CTNND2: variants seen among roughly 807,000 people sequenced by gnomAD.
CTNND2 encodes catenin delta-2.
In CTNND2, 22 loss-of-function variants were observed where a neutral mutation model predicts 144.4. The ratio of observed to expected loss-of-function variants is 0.15; its 90% CI spans 0.11 to 0.22. The LOEUF (loss-of-function observed/expected upper bound fraction) is 0.22, where lower values mean the gene tolerates loss of function less well. Among genes scored for constraint, CTNND2 ranks in the 10% least tolerant of loss-of-function variants. The pLI is 1.00. For missense variants in CTNND2, 1,353 were observed against 1,618.8 expected (o/e 0.84, Z 2.82); for synonymous variants, 751 against 695.6 (o/e 1.08, Z -1.25).
At chr5:11,432,121 C>CTTTTTTT (rs5865940) in intron 3 of CTNND2, among the ~76,000 whole-genome samples, 2 of 78,376 alleles carry the variant, frequency 2.6e-5, no homozygotes, top group Admixed American at 1.4e-4. Flanking sequence ...GAGGTTGAGG[C>CTTTTTTT]TTTTTTTTTT....
intron 12 of CTNND2, among the ~76,000 whole-genome samples, chr5:11,117,843 G>A (rs1456752800): frequency 1.3e-5 from 2 of 152,184 alleles, no homozygotes; most frequent in African/African-American, 4.8e-5. Context: ...GAGGGTGGGG[G>A]ACCTTCAGAA....
intron 1 of CTNND2, among the ~76,000 whole-genome samples, chr5:11,841,429 T>C (rs567095437): frequency 6.6e-6 from 1 of 152,324 alleles, no homozygotes; most frequent in African/African-American, 2.4e-5. Context: ...GTTTAGGTCA[T>C]AAGTTGATTA....
In CTNND2 at chr5:11,502,820, A is replaced by C. The variant is rs1158963099; in HGVS notation, c.287+62124T>G. 3.9e-5 allele frequency among the ~76,000 whole-genome samples: 6 copies of C among 152,222 alleles called. No homozygotes were observed. In the East Asian group the frequency reaches 1.2e-3, roughly 29 times the overall value. On this transcript the variant is annotated intron_variant, in intron 3 of 21. Coordinates refer to ENST00000304623, the MANE Select transcript of CTNND2 (RefSeq NM_001332.4). ...CTGTCAACACCAAAAGAATTTATTAAAGAAAACACTATGAAAGAAGGGACC... is the reference window on the plus strand; with the variant it reads ...CTGTCAACACCAAAAGAATTTATTACAGAAAACACTATGAAAGAAGGGACC...
At chr5:11,113,914 A>G (rs1157051392) in intron 13 of CTNND2, among the ~76,000 whole-genome samples, 1 of 152,208 alleles carries the variant, frequency 6.6e-6, no homozygotes, top group Non-Finnish European at 1.5e-5. Flanking sequence ...ACTTACGAGG[A>G]AAACCAGTTT....
chr5:11,856,118 G>A (rs774593167), intron 1 of CTNND2, among the ~76,000 whole-genome samples: 2 of 152,182 alleles, frequency 1.3e-5, no homozygotes, highest in Non-Finnish European at 2.9e-5. Flanking sequence ...TAAACTGGGA[G>A]AGACAAAAAG....
intron 2 of CTNND2, among the ~76,000 whole-genome samples, chr5:11,654,635 G>A (rs1335543796): frequency 6.7e-6 from 1 of 149,576 alleles, no homozygotes; most frequent in Non-Finnish European, 1.5e-5. Context: ...TCTTTTGGTG[G>A]CATTTTTTGG....
chr5:11,535,071 C>G (rs565773800), intron 3 of CTNND2, among the ~76,000 whole-genome samples: 1 of 151,844 alleles, frequency 6.6e-6, no homozygotes, highest in African/African-American at 2.4e-5. Context: ...GCCTGTAATC[C>G]CACCTACTTG....
chr5:10,983,090 CA>C (rs759554723), intron 20 of CTNND2, among the ~76,000 whole-genome samples: 2,106 of 152,222 alleles, frequency 0.014, 19 homozygotes, highest in Non-Finnish European at 0.022. Context: ...TGTTTCATAG[CA>C]CCATAGGGCA....
intron 1 of CTNND2, among the ~76,000 whole-genome samples, chr5:11,863,489 A>ATTT (rs754787854): frequency 4.8e-4 from 73 of 152,344 alleles, no homozygotes; most frequent in Non-Finnish European, 9.0e-4. Flanking sequence ...AAAATTATTA[A>ATTT]TAACTTCCGG....
chr5:11,750,190 A>G (rs1788534881), intron 1 of CTNND2, among the ~76,000 whole-genome samples: 1 of 151,972 alleles, frequency 6.6e-6, no homozygotes, highest in African/African-American at 2.4e-5. Context: ...CATCTAGGAC[A>G]GCATTCACCT....
chr5:11,860,579 T>A (rs770739405), intron 1 of CTNND2, among the ~76,000 whole-genome samples: 3 of 152,242 alleles, frequency 2.0e-5, no homozygotes, highest in Non-Finnish European at 2.9e-5. Context: ...AATATACACA[T>A]GCCTTTACTG....
At chr5:11,171,942 C>T (rs1759966722) in intron 11 of CTNND2, among the ~76,000 whole-genome samples, 2 of 151,986 alleles carry the variant, frequency 1.3e-5, no homozygotes, top group South Asian at 4.2e-4. Flanking sequence ...TAGATGCCAC[C>T]TAAAATATTA....
At chr5:11,738,722 C>G (rs1347246474) in intron 1 of CTNND2, among the ~76,000 whole-genome samples, 1 of 152,180 alleles carries the variant, frequency 6.6e-6, no homozygotes, top group Admixed American at 6.5e-5. Flanking sequence ...ACACAACCAT[C>G]CAATTAAGTG....
intron 3 of CTNND2, among the ~76,000 whole-genome samples, chr5:11,484,297 G>A (rs775979591): frequency 6.6e-6 from 1 of 152,066 alleles, no homozygotes; most frequent in African/African-American, 2.4e-5. Context: ...ATCATGTTAC[G>A]CATAGTTGAA....
intron 12 of CTNND2, among the ~76,000 whole-genome samples, chr5:11,150,916 G>A (rs111719572): frequency 0.014 from 2,100 of 152,250 alleles, 42 homozygotes; most frequent in African/African-American, 0.047. Context: ...GTGAGCCACC[G>A]CGTCCAGCCT....
At chr5:11,830,572 C>A (rs1423464952) in intron 1 of CTNND2, among the ~76,000 whole-genome samples, 1 of 152,198 alleles carries the variant, frequency 6.6e-6, no homozygotes, top group African/African-American at 2.4e-5. Flanking sequence ...GCCTCACCAG[C>A]CATGTGGAAC....
intron 11 of CTNND2, among the ~76,000 whole-genome samples, chr5:11,166,803 G>A (rs866173156): frequency 1.2e-4 from 18 of 152,088 alleles, no homozygotes; most frequent in African/African-American, 3.1e-4. Flanking sequence ...ATATGGCCCC[G>A]AGAAGCAATA....
intron 16 of CTNND2, among the ~76,000 whole-genome samples, chr5:11,065,876 T>C (rs986735796): frequency 1.3e-5 from 2 of 152,204 alleles, no homozygotes; most frequent in Non-Finnish European, 2.9e-5. Flanking sequence ...AAAGAATCTC[T>C]GCTAACATAA....
intron 1 of CTNND2, among the ~76,000 whole-genome samples, chr5:11,841,088 A>G (rs990868202): frequency 5.3e-5 from 8 of 152,174 alleles, no homozygotes; most frequent in Non-Finnish European, 1.0e-4. Flanking sequence ...TGTATTAATT[A>G]CCCAATTTTA....
Sources: gnomAD v4.1 joint callset for allele counts (sites outside exome capture counted in the v4.1 genomes callset) on GRCh38, gnomAD v4.1.1 for gene constraint, MANE v1.5 for transcripts, NCBI Gene and HGNC (gene_info 2026-07-23, HGNC 2026-07-21) for gene names.